The following CBL variants were observed in gnomAD, a reference collection of about 807,000 sequenced individuals.
CBL encodes the protein Cbl proto-oncogene.
Under a neutral mutation model 96.9 loss-of-function variants are expected in CBL, and 45 were observed. The observed-to-expected ratio is 0.46, with a 90% confidence interval of 0.37 to 0.60. CBL has a LOEUF of 0.60. Ranked by LOEUF, CBL falls within the 20% of genes least tolerant of loss-of-function variation. CBL has a pLI of 0.00. For synonymous variants in CBL, 420 were observed against 426.8 expected, an observed-to-expected ratio of 0.98 and a Z score of 0.20; for missense variants, 1,024 against 1,143.5, an observed-to-expected ratio of 0.90 and a Z score of 1.51.
chr11:119,232,148 C>T (rs1396352919), intron 1 of CBL, among the ~76,000 whole-genome samples: 2 of 152,126 alleles, frequency 1.3e-5, no homozygotes, highest in Non-Finnish European at 2.9e-5. Flanking sequence ...AGTAATTTGC[C>T]ATATTTCATC....
chr11:119,211,174 C>G (rs1949315496), intron 1 of CBL, among the ~76,000 whole-genome samples: 1 of 152,078 alleles, frequency 6.6e-6, no homozygotes, highest in Non-Finnish European at 1.5e-5. Flanking sequence ...GAGTTCGAGA[C>G]CAGCCTGGCC....
rs1033501528 is a variant in CBL at position 119,306,459 on chromosome 11, G to A, written c.*6678G>A. On this transcript the variant is annotated 3_prime_UTR_variant, in exon 16 of 16. Transcript: ENST00000264033. ...CCCCTAAATCAGACAGGAGGCCAGA[G>A]AGGAGTATTGCTCAATGCGTGCTAT... 119 of 397,824 alleles carry A rather than the reference G, an allele frequency of 3.0e-4. No individual in the cohort carries two copies. Among genetic ancestry groups the A allele is most frequent in the Admixed American group, 2.6e-4 (6 of 22,658 alleles). The allele number at this position is 397,824 out of a possible 1,614,324, so 24.6% of individuals were successfully genotyped here.
intron 2 of CBL, among the ~76,000 whole-genome samples, chr11:119,251,746 C>G (rs1432994694): frequency 6.6e-6 from 1 of 152,134 alleles, no homozygotes; most frequent in Non-Finnish European, 1.5e-5. Context: ...TCAGTGATAA[C>G]TTTTGTAAAA....
chr11:119,285,625 G>C, intron 11 of CBL, 59 bp downstream of exon 11: 2 of 1,574,208 alleles, frequency 1.3e-6, no homozygotes, highest in Non-Finnish European at 1.7e-6. Context: ...GCCAGGCACA[G>C]TGGCTCATGT....
intron 2 of CBL, among the ~76,000 whole-genome samples, chr11:119,267,249 C>T (rs1273264808): frequency 6.6e-6 from 1 of 152,112 alleles, no homozygotes; most frequent in South Asian, 2.1e-4. Context: ...AGGAAAATGT[C>T]TTAAATTGAT....
intron 12 of CBL, among the ~76,000 whole-genome samples, chr11:119,296,435 AC>A (rs1430415127): frequency 2.6e-5 from 4 of 152,198 alleles, no homozygotes; most frequent in African/African-American, 9.7e-5. Context: ...CTCAGAATTT[AC>A]GCTAACTGCG....
intron 1 of CBL, among the ~76,000 whole-genome samples, chr11:119,226,510 G>T (rs1271090454): frequency 6.6e-6 from 1 of 151,674 alleles, no homozygotes; most frequent in Non-Finnish European, 1.5e-5. Flanking sequence ...TTTGAGATGG[G>T]GTCTGTGGCA....
At position 119,297,584 on chromosome 11, in the gene CBL, T is replaced by C; in HGVS notation, c.2251+103T>C. The C allele has an allele frequency of 3.5e-6, 3 of 860,972 alleles. No homozygotes were observed. The Admixed American group carries it at 5.6e-5, about 16-fold the overall frequency. The allele number at this position is 860,972 out of a possible 1,614,324, so 53.3% of individuals were successfully genotyped here. On this transcript the variant is annotated intron_variant, in intron 14 of 15. Transcript: ENST00000264033. Reference sequence around the variant, plus strand: ...GCTTGATCTAAGCTCAAAATTCTTCTGTAGCTGGGACTACAGGTACGTGCC... The same window carrying C: ...GCTTGATCTAAGCTCAAAATTCTTCCGTAGCTGGGACTACAGGTACGTGCC...
At chr11:119,228,727 C>T (rs1949478330) in intron 1 of CBL, among the ~76,000 whole-genome samples, 1 of 151,910 alleles carries the variant, frequency 6.6e-6, no homozygotes, top group South Asian at 2.1e-4. Flanking sequence ...CTCACTCAAG[C>T]AATCCTTCTG....
At position 119,304,658 on chromosome 11, in the gene CBL, G is replaced by A. The variant is rs532404515; in HGVS notation, c.*4877G>A. 4.6e-4 allele frequency: 98 copies of A among 210,856 alleles called. No homozygotes were observed. Among genetic ancestry groups the A allele is most frequent in the Non-Finnish European group, 8.3e-4 (87 of 104,962 alleles). The allele number at this position is 210,856 out of a possible 1,614,324, so 13.1% of individuals were successfully genotyped here. A position where few individuals can be genotyped will look rare whatever the true frequency, so the allele number is the denominator to read the frequency against. ...TTTTTTTTTTTTGAGATGGAGTCTC[G>A]CTGTGTCGCCCAGGCTGGAGTGCAG... On this transcript the variant is annotated 3_prime_UTR_variant, in exon 16 of 16. Transcript: ENST00000264033.
intron 1 of CBL, among the ~76,000 whole-genome samples, chr11:119,217,814 T>TA (rs1375225303): frequency 6.6e-6 from 1 of 152,124 alleles, no homozygotes; most frequent in African/African-American, 2.4e-5. Context: ...CTCACACCTG[T>TA]AATCCCAGCA....
rs1049489987 is a variant in CBL, at chr11:119,306,560, T to A, written c.*6779T>A. The stretch of plus-strand genomic sequence containing the variant: ...GTGTCCTGGGTGCCTGTGTGTCAGC[T>A]CCCTCCTCTCTACCTACCTCTGACC... On this transcript the variant is annotated 3_prime_UTR_variant, in exon 16 of 16. Coordinates refer to ENST00000264033, the MANE Select transcript of CBL (RefSeq NM_005188.4). 5 of 393,354 alleles carry A rather than the reference T, an allele frequency of 1.3e-5. No homozygotes were observed. Among genetic ancestry groups the A allele is most frequent in the Admixed American group, 8.9e-5 (2 of 22,524 alleles). The allele number at this position is 393,354 out of a possible 1,614,324, so 24.4% of individuals were successfully genotyped here.
At chr11:119,226,993 C>T (rs1448182383) in intron 1 of CBL, among the ~76,000 whole-genome samples, 3 of 152,182 alleles carry the variant, frequency 2.0e-5, no homozygotes, top group Non-Finnish European at 4.4e-5. Context: ...ATCTCAACCA[C>T]TTACCACTTT....
In CBL at chr11:119,232,302, A is replaced by G. The variant is rs949952968; in HGVS notation, c.196-146A>G. On this transcript the variant is annotated intron_variant, in intron 1 of 15. Transcript: ENST00000264033. ...ATTTTAAAATGGTTGCCTGTGGGCA[A>G]TGGGGTTATGGATCTGCTTCTTATA... 13 of 843,956 alleles carry G rather than the reference A, an allele frequency of 1.5e-5. No individual in the cohort carries two copies. The Admixed American group carries it at 3.0e-4, about 20-fold the overall frequency. The allele number at this position is 843,956 out of a possible 1,614,324, so 52.3% of individuals were successfully genotyped here. A position where few individuals can be genotyped will look rare whatever the true frequency, so the allele number is the denominator to read the frequency against.
At chr11:119,277,682 A>C in intron 6 of CBL, 75 bp from the exon 7 acceptor site, 1 of 950,066 alleles carries the variant, frequency 1.1e-6, no homozygotes, top group Non-Finnish European at 1.7e-6. Context: ...AGAAACTCCC[A>C]GATTCCATTT....
chr11:119,274,963 A>G lies in CBL; in HGVS notation c.869+10A>G, dbSNP rs768380727. On this transcript the variant is annotated intron_variant, in intron 5 of 15. Transcript: ENST00000264033. ...TTCACAAACCTGGCAGGTCAGTTCAATGACGCAAAGAGATTTATTCTTCTG... is the reference window on the plus strand; with the variant it reads ...TTCACAAACCTGGCAGGTCAGTTCAGTGACGCAAAGAGATTTATTCTTCTG... 8.8e-5 allele frequency: 142 copies of G among 1,612,562 alleles called. No individual in the cohort carries two copies. The highest frequency in any genetic ancestry group is 1.1e-4 in the Non-Finnish European group (135 of 1,179,608).
At position 119,296,925 on chromosome 11, in the gene CBL, C is replaced by CGAAG. The variant is rs772927546; in HGVS notation, c.2044_2045insGAAG (p.Pro682ArgfsTer13). 1.9e-6 allele frequency: 3 copies of CGAAG among 1,566,406 alleles called. No individual in the cohort carries two copies. Among genetic ancestry groups the CGAAG allele is most frequent in the Non-Finnish European group, 2.6e-6 (3 of 1,136,680 alleles). On this transcript the variant is annotated frameshift_variant, in exon 13 of 16. Transcript: ENST00000264033. LOFTEE classifies it high-confidence loss of function. ...TTATTCTTCATCTTCCAGACCTCTT[C>CGAAG]CTGTGCCAAAACTGCCACCTGGGGA...
chr11:119,219,867 T>G (rs1949394245), intron 1 of CBL, among the ~76,000 whole-genome samples: 1 of 90,468 alleles, frequency 1.1e-5, no homozygotes, highest in African/African-American at 4.7e-5. Context: ...TTTTTTTTTT[T>G]GAGACGGAGT....
At chr11:119,254,326 A>G (rs1271139965) in intron 2 of CBL, among the ~76,000 whole-genome samples, 1 of 152,234 alleles carries the variant, frequency 6.6e-6, no homozygotes, top group Non-Finnish European at 1.5e-5. Context: ...TGTAAGTGCA[A>G]CCATGTATTG....
Sources: gnomAD v4.1 joint callset for allele counts (sites outside exome capture counted in the v4.1 genomes callset) on GRCh38, gnomAD v4.1.1 for gene constraint, MANE v1.5 for transcripts, NCBI Gene and HGNC (gene_info 2026-07-23, HGNC 2026-07-21) for gene names.